Variants in DIS3L2 observed in about 807,000 individuals in gnomAD.
DIS3L2 encodes the protein DIS3-like exonuclease 2.
Under a neutral mutation model 97.5 loss-of-function variants are expected in DIS3L2, and 34 were observed. That is an observed-to-expected ratio of 0.35 (90% CI 0.27 to 0.46). The LOEUF (loss-of-function observed/expected upper bound fraction) is 0.46. Among genes scored for constraint, DIS3L2 ranks in the 20% least tolerant of loss-of-function variants. The pLI, the probability that DIS3L2 is intolerant of heterozygous loss-of-function variation, is 1.00. For synonymous variants in DIS3L2, 435 were observed against 445.2 expected (o/e 0.98, Z 0.29); for missense variants, 1,038 against 1,146.0 (o/e 0.91, Z 1.36).
intron 13 of DIS3L2, among the ~76,000 whole-genome samples, chr2:232,299,363 C>T (rs1005376587): frequency 1.1e-4 from 17 of 152,168 alleles, no homozygotes; most frequent in Admixed American, 3.3e-4. Flanking sequence ...TTCTTTTCTT[C>T]GCTGTTAAGG....
At chr2:232,226,396 C>G (rs1692649257) in intron 10 of DIS3L2, among the ~76,000 whole-genome samples, 1 of 152,218 alleles carries the variant, frequency 6.6e-6, no homozygotes, top group African/African-American at 2.4e-5. Context: ...AATCATTTAA[C>G]CTCTCTGAGT....
chr2:232,120,639 G>T lies in DIS3L2; in HGVS notation c.602-9980G>T, dbSNP rs549111995. ...CTTTCAGGCCTCCCCTGGCATTGTG[G>T]AACACAGAGCTCTGCACATAGTGGG... is the stretch of plus-strand genomic sequence containing the variant. On this transcript the variant is annotated intron_variant, in intron 6 of 20. Transcript: ENST00000325385. 4.6e-5 allele frequency among the ~76,000 whole-genome samples: 7 copies of T among 152,150 alleles called. No individual in the cohort carries two copies. The South Asian group carries it at 1.5e-3, about 32-fold the overall frequency.
chr2:232,015,558 G>C lies in DIS3L2; in HGVS notation c.97G>C (p.Gly33Arg), dbSNP rs746567735. The C allele has an allele frequency of 3.7e-6, 6 of 1,613,914 alleles. No individual in the cohort carries two copies. In the African/African-American group the frequency reaches 8.0e-5, roughly 22 times the overall value. The change falls in exon 3 of 21, where the codon GGT becomes CGT. Residue 33 changes from glycine to arginine, a missense_variant. This residue lies in a region of DIS3L2 where 813 missense variants were observed against 880.1 expected (regional missense o/e 0.92). Coordinates refer to ENST00000325385, the MANE Select transcript of DIS3L2 (RefSeq NM_152383.5). ...TCCACATGACATTGGTGCTTCGCCA[G>C]GTGACAAAAAGTCAAAGAACAGGTC... ...AGPHDIGASP[G>R]DKKSKNRSTR...
intron 5 of DIS3L2, among the ~76,000 whole-genome samples, chr2:232,047,227 T>G (rs532804931): frequency 6.6e-6 from 1 of 152,348 alleles, no homozygotes; most frequent in South Asian, 2.1e-4. Context: ...TCCTCATAAC[T>G]TGAGTGTTAC....
At chr2:232,218,353 T>C (rs1385650634) in intron 10 of DIS3L2, among the ~76,000 whole-genome samples, 1 of 152,174 alleles carries the variant, frequency 6.6e-6, no homozygotes, top group Non-Finnish European at 1.5e-5. Flanking sequence ...TGCTCAGGTA[T>C]GTCTGGGTTT....
intron 5 of DIS3L2, among the ~76,000 whole-genome samples, chr2:232,065,566 CTATT>C (rs1475474598): frequency 1.3e-5 from 2 of 151,744 alleles, no homozygotes; most frequent in Admixed American, 6.6e-5. Context: ...TTCCATTAAT[CTATT>C]TATCTATCCT....
chr2:232,339,006 G>A (rs1696051856), downstream of DIS3L2, among the ~76,000 whole-genome samples: 1 of 152,224 alleles, frequency 6.6e-6, no homozygotes, highest in Non-Finnish European at 1.5e-5. Flanking sequence ...AGGGCCTGGC[G>A]ATGCTCAGAA....
chr2:232,253,314 C>T (rs975364574), intron 12 of DIS3L2, among the ~76,000 whole-genome samples: 4 of 152,164 alleles, frequency 2.6e-5, no homozygotes, highest in Admixed American at 2.0e-4. Context: ...TTTTGTGCCA[C>T]CAGTGTAAAT....
intron 5 of DIS3L2, among the ~76,000 whole-genome samples, chr2:232,086,615 A>ATATATATATATATATATATACATATGTG (rs1696635928): frequency 1.8e-5 from 1 of 54,546 alleles, no homozygotes; most frequent in Non-Finnish European, 4.3e-5. Flanking sequence ...GTGTGTGTGT[A>ATATATATATATATATATATACATATGTG]TATATATATA....
chr2:232,161,455 C>T (rs1017044910), intron 8 of DIS3L2, among the ~76,000 whole-genome samples: 1 of 152,082 alleles, frequency 6.6e-6, no homozygotes, highest in African/African-American at 2.4e-5. Context: ...TTCCCTTCCT[C>T]CCTCTCTCCA....
intron 8 of DIS3L2, among the ~76,000 whole-genome samples, chr2:232,160,335 A>G (rs1690612738): frequency 6.6e-6 from 1 of 152,236 alleles, no homozygotes; most frequent in Non-Finnish European, 1.5e-5. Context: ...TTAAATAGGA[A>G]TATTCAAGTA....
chr2:232,055,766 A>C (rs1361003129), intron 5 of DIS3L2, among the ~76,000 whole-genome samples: 1 of 152,218 alleles, frequency 6.6e-6, no homozygotes, highest in East Asian at 1.9e-4. Context: ...ATTTAGTATA[A>C]GGAGAGACAC....
chr2:232,122,199 AT>A (rs1011718302), intron 6 of DIS3L2, among the ~76,000 whole-genome samples: 4 of 152,186 alleles, frequency 2.6e-5, no homozygotes, highest in African/African-American at 7.2e-5. Context: ...ACACAGAAAA[AT>A]ATCAGCAATT....
chr2:232,188,202 T>C (rs1458259159), intron 9 of DIS3L2, among the ~76,000 whole-genome samples: 1 of 152,144 alleles, frequency 6.6e-6, no homozygotes, highest in Non-Finnish European at 1.5e-5. Flanking sequence ...ATAAACAAAG[T>C]GTTTCCCCTC....
chr2:232,097,058 T>A lies in DIS3L2; in HGVS notation c.601+9337T>A, dbSNP rs574258894. Among the ~76,000 whole-genome samples the A allele has an allele frequency of 1.8e-4, 28 of 152,294 alleles. 1 individual carries two copies. The South Asian group carries it at 5.6e-3, about 30-fold the overall frequency. ...GGTCTAGGCCTATTGCATCTGTCCT[T>A]CTTGGGAAGGCTTTCCAGGTATTCA... On this transcript the variant is annotated intron_variant, in intron 6 of 20. Transcript: ENST00000325385.
intron 8 of DIS3L2, among the ~76,000 whole-genome samples, chr2:232,154,997 C>G (rs567572679): frequency 1.4e-5 from 2 of 143,108 alleles, no homozygotes; most frequent in Non-Finnish European, 3.1e-5. Flanking sequence ...TTCTTTGACT[C>G]GGAAAGGGAA....
At chr2:232,223,703 G>A (rs1692564908) in intron 10 of DIS3L2, among the ~76,000 whole-genome samples, 1 of 152,208 alleles carries the variant, frequency 6.6e-6, no homozygotes, top group South Asian at 2.1e-4. Context: ...GAATTATGGG[G>A]AAGACTAAAT....
At chr2:232,210,992 G>C (rs72992374) in intron 10 of DIS3L2, among the ~76,000 whole-genome samples, 1,813 of 152,166 alleles carry the variant, frequency 0.012, 17 homozygotes, top group Non-Finnish European at 0.018. Context: ...TACTGAGCAG[G>C]TAAAAGTGGG....
At chr2:232,258,598 CAAAAAAAA>C (rs35525137) in intron 12 of DIS3L2, among the ~76,000 whole-genome samples, 1 of 74,646 alleles carries the variant, frequency 1.3e-5, no homozygotes, top group Non-Finnish European at 2.8e-5. Flanking sequence ...GACTCTGTCT[CAAAAAAAA>C]AAAAAAAAAA....
Sources: allele counts gnomAD v4.1 joint callset (sites outside exome capture counted in the v4.1 genomes callset), GRCh38; gene constraint gnomAD v4.1.1; regional missense constraint gnomAD v4.1.1; transcripts MANE v1.5; gene names NCBI Gene and HGNC (gene_info 2026-07-23, HGNC 2026-07-21).